XKR4: variants seen among roughly 807,000 people sequenced by gnomAD.
XKR4 encodes the protein XK-related protein 4.
A neutral mutation model predicts 53.9 loss-of-function variants in XKR4; 12 were observed. The ratio of observed to expected loss-of-function variants is 0.22; its 90% confidence interval spans 0.14 to 0.36. The LOEUF (loss-of-function observed/expected upper bound fraction) is 0.36, where lower values mean the gene tolerates loss of function less well. Among genes scored for constraint, XKR4 ranks in the 10% least tolerant of loss-of-function variants. The pLI is 1.00. For missense variants in XKR4, 799 were observed against 859.5 expected (o/e 0.93, Z 0.88); for synonymous variants, 354 against 362.4 (o/e 0.98, Z 0.26).
intron 1 of XKR4, among the ~76,000 whole-genome samples, chr8:55,297,988 G>A (rs1216269884): frequency 1.3e-5 from 2 of 152,080 alleles, no homozygotes; most frequent in East Asian, 1.9e-4. Flanking sequence ...ATATTACTTT[G>A]TATATACTCA....
chr8:55,409,551 T>C (rs1335423315), intron 2 of XKR4, among the ~76,000 whole-genome samples: 1 of 147,122 alleles, frequency 6.8e-6, no homozygotes, highest in African/African-American at 2.5e-5. Context: ...CAGAGGTCAG[T>C]GGAACATGAA....
intron 1 of XKR4, among the ~76,000 whole-genome samples, chr8:55,226,198 T>C (rs16921448): frequency 0.022 from 3,351 of 152,328 alleles, 137 homozygotes; most frequent in African/African-American, 0.075. Context: ...ACAGAATTTA[T>C]TTGAAGATTC....
intron 2 of XKR4, chr8:55,454,740 C>T: frequency 2.5e-6 from 2 of 798,656 alleles, no homozygotes; most frequent in Non-Finnish European, 4.5e-6. Context: ...TGAACACCTC[C>T]GCATGGTCAA....
chr8:55,260,828 G>T (rs1037004091), intron 1 of XKR4, among the ~76,000 whole-genome samples: 1 of 152,198 alleles, frequency 6.6e-6, no homozygotes, highest in Admixed American at 6.5e-5. Context: ...GGTTGGCAAG[G>T]AAAAGGGAAG....
intron 1 of XKR4, among the ~76,000 whole-genome samples, chr8:55,289,677 G>GAGAA (rs1554516151): frequency 0.015 from 1,855 of 125,096 alleles, 71 homozygotes; most frequent in East Asian, 0.052. Flanking sequence ...AGAAAAGAAA[G>GAGAA]AGAAAGAAAG....
At position 55,398,867 on chromosome 8, in the gene XKR4, G is replaced by A. The variant is rs145394085; in HGVS notation, c.1006+40990G>A. 3.3e-3 allele frequency among the ~76,000 whole-genome samples: 505 copies of A among 152,316 alleles called. 4 individuals carry two copies. The highest frequency in any genetic ancestry group is 4.9e-3 in the Non-Finnish European group (334 of 68,026). Reference sequence around the variant, plus strand: ...TCCCTGGAGAGTTTTTAAGATTCTCGTTGCTTTCGAATATTATCATCTGAA... The same window carrying A: ...TCCCTGGAGAGTTTTTAAGATTCTCATTGCTTTCGAATATTATCATCTGAA... On this transcript the variant is annotated intron_variant, in intron 2 of 2. Coordinates refer to ENST00000327381, the MANE Select transcript of XKR4 (RefSeq NM_052898.2).
At chr8:55,113,587 T>G (rs1291136442) in intron 1 of XKR4, among the ~76,000 whole-genome samples, 1 of 152,220 alleles carries the variant, frequency 6.6e-6, no homozygotes, top group Non-Finnish European at 1.5e-5. Flanking sequence ...TATTTAATTT[T>G]TATAGATTAA....
rs112646356 is a variant in XKR4, at chr8:55,343,729, A to G, written c.807-13949A>G. Among the ~76,000 whole-genome samples, 216 of 152,208 alleles carry G rather than the reference A, an allele frequency of 1.4e-3. 1 individual carries two copies. The highest frequency in any genetic ancestry group is 3.5e-3 in the Admixed American group (54 of 15,298). On this transcript the variant is annotated intron_variant, in intron 1 of 2. Coordinates refer to ENST00000327381, the MANE Select transcript of XKR4 (RefSeq NM_052898.2). Reference sequence around the variant, plus strand: ...AGTATTTCAGACTCAATCTAGCCAGACCTTGGGTTCTTTTATTCTCCATCT... The same window carrying G: ...AGTATTTCAGACTCAATCTAGCCAGGCCTTGGGTTCTTTTATTCTCCATCT...
At chr8:55,297,256 T>G (rs1431696466) in intron 1 of XKR4, among the ~76,000 whole-genome samples, 1 of 152,090 alleles carries the variant, frequency 6.6e-6, no homozygotes, top group African/African-American at 2.4e-5. Flanking sequence ...AAACGTGAGA[T>G]TTGATGAATG....
chr8:55,304,472 T>C (rs1315146809), intron 1 of XKR4, among the ~76,000 whole-genome samples: 1 of 152,216 alleles, frequency 6.6e-6, no homozygotes, highest in Admixed American at 6.5e-5. Context: ...ATGTATATTC[T>C]GTTGATTTGG....
intron 2 of XKR4, among the ~76,000 whole-genome samples, chr8:55,436,703 C>G (rs1410375210): frequency 2.0e-5 from 3 of 152,212 alleles, no homozygotes; most frequent in African/African-American, 7.2e-5. Flanking sequence ...GAGAGCCTCG[C>G]TGGCACCAGG....
At chr8:55,157,350 T>C (rs900548292) in intron 1 of XKR4, among the ~76,000 whole-genome samples, 2 of 152,222 alleles carry the variant, frequency 1.3e-5, no homozygotes, top group Non-Finnish European at 2.9e-5. Context: ...GATAAAGAGA[T>C]AGCATCATCT....
chr8:55,135,464 C>G (rs1485054088), intron 1 of XKR4: 3 of 378,202 alleles, frequency 7.9e-6, no homozygotes, highest in Non-Finnish European at 1.6e-5. Flanking sequence ...TAAGGGTCCC[C>G]CCAAATCATA....
chr8:55,228,441 T>C (rs2129366483), intron 1 of XKR4, among the ~76,000 whole-genome samples: 1 of 152,346 alleles, frequency 6.6e-6, no homozygotes, highest in East Asian at 1.9e-4. Flanking sequence ...GATTTTAACT[T>C]AGAATCCTTG....
chr8:55,219,494 C>T (rs1168430320), intron 1 of XKR4, among the ~76,000 whole-genome samples: 1 of 152,130 alleles, frequency 6.6e-6, no homozygotes, highest in Admixed American at 6.5e-5. Context: ...TAAAATTGAT[C>T]TGCTTACCAA....
chr8:55,328,791 C>A (rs1803333434), intron 1 of XKR4, among the ~76,000 whole-genome samples: 1 of 152,224 alleles, frequency 6.6e-6, no homozygotes, highest in Non-Finnish European at 1.5e-5. Flanking sequence ...TGAATCTTCA[C>A]AGGGTTGGCA....
At chr8:55,376,786 G>A (rs181589062) in intron 2 of XKR4, among the ~76,000 whole-genome samples, 4 of 152,236 alleles carry the variant, frequency 2.6e-5, no homozygotes, top group Admixed American at 2.0e-4. Context: ...AATGATGTTA[G>A]AGGCAGTCTG....
At chr8:55,232,316 G>T (rs919316528) in intron 1 of XKR4, among the ~76,000 whole-genome samples, 2 of 152,200 alleles carry the variant, frequency 1.3e-5, no homozygotes, top group African/African-American at 4.8e-5. Context: ...GCTGAGAAGA[G>T]CCCATTAGCA....
chr8:55,333,951 T>C (rs1196273041), intron 1 of XKR4, among the ~76,000 whole-genome samples: 1 of 152,210 alleles, frequency 6.6e-6, no homozygotes, highest in Non-Finnish European at 1.5e-5. Flanking sequence ...TGTATATCTT[T>C]GACTGATTTA....
Sources: gnomAD v4.1 joint callset for allele counts (sites outside exome capture counted in the v4.1 genomes callset) on GRCh38, gnomAD v4.1.1 for gene constraint, MANE v1.5 for transcripts, NCBI Gene and HGNC (gene_info 2026-07-23, HGNC 2026-07-21) for gene names.